Variants in QTGAL observed in about 807,000 individuals in gnomAD.
QTGAL encodes the protein BGnT-like protein 1.
the QTGAL span, among the ~76,000 whole-genome samples, chr17:83,024,115 A>G: frequency 2.0e-5 from 3 of 148,722 alleles, no homozygotes; most frequent in Non-Finnish European, 4.4e-5. Flanking sequence ...AAGGCTAAAC[A>G]GGGGTGAACG....
the QTGAL span, chr17:83,006,592 C>T: frequency 2.0e-6 from 2 of 985,356 alleles, no homozygotes; most frequent in Admixed American, 6.1e-5. The surrounding 1 kb of genome is among the most constrained non-coding windows in gnomAD (Gnocchi z 5.8). Context: ...CCACTGGCAG[C>T]CCCTCAACGG....
chr17:82,951,823 A>G, the QTGAL span, among the ~76,000 whole-genome samples: 3 of 150,784 alleles, frequency 2.0e-5, no homozygotes, highest in African/African-American at 7.3e-5. Context: ...GGGAGCGGGG[A>G]GGCGACAGCT....
At chr17:83,014,209 AAAAC>A in the QTGAL span, among the ~76,000 whole-genome samples, 1 of 152,320 alleles carries the variant, frequency 6.6e-6, no homozygotes, top group East Asian at 1.9e-4. Context: ...ACGCTGATTA[AAAAC>A]AAACAACACA....
At chr17:83,013,695 C>T in the QTGAL span, among the ~76,000 whole-genome samples, 5 of 152,048 alleles carry the variant, frequency 3.3e-5, no homozygotes, top group South Asian at 4.2e-4. Flanking sequence ...GTGCCCACGA[C>T]GCACAGCCCC....
At chr17:82,954,714 C>A in the QTGAL span, among the ~76,000 whole-genome samples, 5 of 152,182 alleles carry the variant, frequency 3.3e-5, no homozygotes, top group African/African-American at 1.2e-4. Context: ...AGGCATCACG[C>A]TACCTGACTT....
the QTGAL span, chr17:83,014,361 A>AT: frequency 7.2e-7 from 1 of 1,391,902 alleles, no homozygotes; most frequent in South Asian, 1.3e-5. Flanking sequence ...CCATAGCCTG[A>AT]TTCTTTCCAC....
chr17:82,955,811 C>T, the QTGAL span, among the ~76,000 whole-genome samples: 15 of 152,120 alleles, frequency 9.9e-5, no homozygotes, highest in East Asian at 9.6e-4. Flanking sequence ...TGGAATACTA[C>T]GCAGCCATGA....
the QTGAL span, among the ~76,000 whole-genome samples, chr17:82,980,857 C>T: frequency 6.6e-6 from 1 of 152,142 alleles, no homozygotes; most frequent in Admixed American, 6.5e-5. Flanking sequence ...ACCCCTTTCC[C>T]TCCCCGGAGG....
the QTGAL span, among the ~76,000 whole-genome samples, chr17:83,050,884 C>T: frequency 7.5e-5 from 11 of 147,626 alleles, no homozygotes; most frequent in African/African-American, 2.5e-4. Context: ...GGGGCACGGG[C>T]ATGTATGCAG....
chr17:82,961,183 T>A, the QTGAL span: 2 of 1,605,814 alleles, frequency 1.2e-6, no homozygotes, highest in South Asian at 2.2e-5. Flanking sequence ...CGGGACGCCC[T>A]GCAGGGCGGG....
the QTGAL span, among the ~76,000 whole-genome samples, chr17:83,018,736 T>A: frequency 6.6e-6 from 1 of 152,170 alleles, no homozygotes; most frequent in East Asian, 1.9e-4. Flanking sequence ...CCCTCTCATG[T>A]CCCTACCATC....
chr17:82,943,129 C>CA, the QTGAL span: 1 of 152,794 alleles, frequency 6.5e-6, no homozygotes, highest in African/African-American at 2.4e-5. Flanking sequence ...GGGGAATCGT[C>CA]AGAGTCCAAT....
chr17:82,956,921 G>A, the QTGAL span: 1 of 1,041,206 alleles, frequency 9.6e-7, no homozygotes, highest in South Asian at 1.4e-5. The surrounding 1 kb of genome is among the most constrained non-coding windows in gnomAD (Gnocchi z 5.7). Context: ...TGCGGCAGGT[G>A]TTCAGAGCAG....
At chr17:82,946,846 A>C in the QTGAL span, 1 of 1,482,094 alleles carries the variant, frequency 6.7e-7, no homozygotes, top group East Asian at 2.5e-5. Context: ...ATAAAGAAAC[A>C]AACCCAGATG....
At chr17:82,970,163 G>A in the QTGAL span, among the ~76,000 whole-genome samples, 1 of 152,170 alleles carries the variant, frequency 6.6e-6, no homozygotes, top group African/African-American at 2.4e-5. Context: ...GGGACATCAG[G>A]AAGAGCCCCG....
chr17:82,961,687 G>A, the QTGAL span, among the ~76,000 whole-genome samples: 5 of 152,258 alleles, frequency 3.3e-5, no homozygotes, highest in African/African-American at 1.2e-4. Flanking sequence ...GCAGCCCCGG[G>A]CCTGTGCCAG....
chr17:83,035,864 G>T, the QTGAL span, among the ~76,000 whole-genome samples: 3 of 142,736 alleles, frequency 2.1e-5, no homozygotes, highest in Non-Finnish European at 3.0e-5. Context: ...CTCGGAGGGC[G>T]GTTTGCACGT....
At chr17:82,971,638 T>C in the QTGAL span, among the ~76,000 whole-genome samples, 25,575 of 91,572 alleles carry the variant, frequency 0.28, 3,179 homozygotes, top group African/African-American at 0.36. Context: ...CAGAAGGACC[T>C]GGTGCCGACC....
the QTGAL span, among the ~76,000 whole-genome samples, chr17:82,986,839 C>T: frequency 6.6e-6 from 1 of 152,240 alleles, no homozygotes; most frequent in African/African-American, 2.4e-5. Flanking sequence ...GGGCGTATTA[C>T]TCCCACAACC....
Sources: allele counts gnomAD v4.1 joint callset (sites outside exome capture counted in the v4.1 genomes callset), GRCh38; gene constraint gnomAD v4.1.1; non-coding constraint Gnocchi (gnomAD v3.1); transcripts MANE v1.5; gene names NCBI Gene and HGNC (gene_info 2026-07-23, HGNC 2026-07-21).